LRP1B: variants seen among roughly 807,000 people sequenced by gnomAD.
The protein encoded by LRP1B is LDL receptor related protein 1B.
In LRP1B, 217 loss-of-function variants were observed where a neutral mutation model predicts 556.6. That is an observed-to-expected ratio of 0.39 (90% confidence interval 0.35 to 0.44). LRP1B has a LOEUF of 0.44. LRP1B is among the 20% of genes least tolerant of loss of function. The probability of loss-of-function intolerance (pLI) is 1.00; values close to 1 mark genes in which losing one functional copy is unlikely to be tolerated. For synonymous variants in LRP1B, 2,047 were observed against 1,865.8 expected (o/e 1.10, Z -2.50); for missense variants, 5,053 against 5,620.8 (o/e 0.90, Z 3.23).
chr2:140,765,525 C>G (rs894245578), intron 35 of LRP1B, among the ~76,000 whole-genome samples: 3 of 152,094 alleles, frequency 2.0e-5, no homozygotes, highest in Non-Finnish European at 4.4e-5. Context: ...GAATATCACC[C>G]AGCAGGCAAG....
intron 23 of LRP1B, among the ~76,000 whole-genome samples, chr2:140,888,977 A>AG (rs1382037324): frequency 2.0e-5 from 3 of 150,986 alleles, no homozygotes; most frequent in African/African-American, 7.4e-5. Context: ...AAAAAAAAAA[A>AG]AAACTTGAAA....
intron 1 of LRP1B, among the ~76,000 whole-genome samples, chr2:141,971,126 A>G (rs1701720937): frequency 6.6e-6 from 1 of 151,528 alleles, no homozygotes; most frequent in African/African-American, 2.4e-5. Flanking sequence ...TTGAGCATGG[A>G]GCAATACAAT....
At chr2:141,168,940 A>G (rs1408455944) in intron 7 of LRP1B, among the ~76,000 whole-genome samples, 1 of 152,020 alleles carries the variant, frequency 6.6e-6, no homozygotes, top group Non-Finnish European at 1.5e-5. Context: ...GTGGTACTCA[A>G]GGGTGTTTTT....
intron 6 of LRP1B, among the ~76,000 whole-genome samples, chr2:141,227,035 TAAC>T (rs201774641): frequency 0.015 from 2,323 of 152,180 alleles, 40 homozygotes; most frequent in African/African-American, 0.045. Context: ...GTGAATTCCC[TAAC>T]AACAACAACA....
chr2:141,170,619 G>T lies in LRP1B; in HGVS notation c.1013+17802C>A, dbSNP rs144952083. On this transcript the variant is annotated intron_variant, in intron 7 of 90. Coordinates refer to ENST00000389484, the MANE Select transcript of LRP1B (RefSeq NM_018557.3). Reference sequence around the variant, plus strand: ...ATAGAAACCCTTCATTACAACAATGGTAAGAAATGCATGGGGAGACTTCTT... The same window carrying T: ...ATAGAAACCCTTCATTACAACAATGTTAAGAAATGCATGGGGAGACTTCTT... Among the ~76,000 whole-genome samples the T allele has an allele frequency of 2.2e-3, 328 of 152,174 alleles. 2 individuals are homozygous for T. The highest frequency in any genetic ancestry group is 3.3e-3 in the Non-Finnish European group (224 of 67,986).
intron 23 of LRP1B, among the ~76,000 whole-genome samples, chr2:140,886,949 C>A (rs762309951): frequency 1.1e-4 from 16 of 152,034 alleles, no homozygotes; most frequent in African/African-American, 3.6e-4. Context: ...GCTTTGAAAA[C>A]GGATATGAGA....
In LRP1B at chr2:140,702,544, G is replaced by A. The variant is rs2105430911; in HGVS notation, c.6033C>T (p.Phe2011=). 1 of 1,612,988 alleles carries A rather than the reference G, an allele frequency of 6.2e-7. No individual in the cohort carries two copies. The highest frequency in any genetic ancestry group is 8.5e-7 in the Non-Finnish European group (1 of 1,179,350). Residue 2011 remains phenylalanine (F), a synonymous_variant, in exon 38 of 91, where the codon TTC becomes TTT. Coordinates refer to ENST00000389484, the MANE Select transcript of LRP1B (RefSeq NM_018557.3). Reference sequence around the variant, plus strand: ...AGGGCATTTGTCCCCATTCAGTCCAGAACAAGAGGCTGAAATTAAATTGTT... The same window carrying A: ...AGGGCATTTGTCCCCATTCAGTCCAAAACAAGAGGCTGAAATTAAATTGTT... ...IAVHPEKGLL[F]WTEWGQMPCI...
At chr2:140,995,626 G>T (rs1271920998) in intron 15 of LRP1B, among the ~76,000 whole-genome samples, 2 of 151,914 alleles carry the variant, frequency 1.3e-5, no homozygotes, top group Non-Finnish European at 2.9e-5. Flanking sequence ...AGTACACTGA[G>T]AATTAAAATA....
intron 7 of LRP1B, among the ~76,000 whole-genome samples, chr2:141,088,769 AG>A (rs1470427913): frequency 6.6e-6 from 1 of 152,150 alleles, no homozygotes; most frequent in African/African-American, 2.4e-5. Context: ...AAACAGCACT[AG>A]GGTGCTTCAA....
intron 41 of LRP1B, among the ~76,000 whole-genome samples, chr2:140,690,500 C>A (rs2105397734): frequency 6.6e-6 from 1 of 152,242 alleles, no homozygotes; most frequent in Admixed American, 6.5e-5. Context: ...CAGATCTCAG[C>A]CACAGAAGCT....
intron 25 of LRP1B, among the ~76,000 whole-genome samples, chr2:140,870,747 T>A (rs1439860746): frequency 6.6e-6 from 1 of 152,150 alleles, no homozygotes; most frequent in African/African-American, 2.4e-5. Context: ...TTGACTTCTA[T>A]TATTCTGTAT....
rs750538701 is a variant in LRP1B at position 140,851,699 on chromosome 2, G to T, written c.4664C>A (p.Ala1555Glu). 6.2e-7 allele frequency: 1 copy of T among 1,611,660 alleles called. No individual in the cohort carries two copies. The highest frequency in any genetic ancestry group is 8.5e-7 in the Non-Finnish European group (1 of 1,179,082). ...AGAAAGCTTCATCAAGTGGGGGCAC[G>T]CACAGGCAGCACTCCTATTGTGATT... ...LINHNRSAAC[A>E]CPHLMKLSSD... The change falls in exon 28 of 91, where the codon GCG (alanine) becomes GAG (glutamate). Residue 1555 changes from alanine to glutamate, a missense_variant. Coordinates refer to ENST00000389484, the MANE Select transcript of LRP1B (RefSeq NM_018557.3).
chr2:140,275,924 A>G (rs1682654182), intron 84 of LRP1B, among the ~76,000 whole-genome samples: 1 of 151,994 alleles, frequency 6.6e-6, no homozygotes, highest in Non-Finnish European at 1.5e-5. Flanking sequence ...ATAGAATTAG[A>G]CATTCTGCTT....
intron 1 of LRP1B, among the ~76,000 whole-genome samples, chr2:141,883,895 T>C (rs1574461221): frequency 6.6e-6 from 1 of 152,212 alleles, no homozygotes; most frequent in Admixed American, 6.5e-5. Flanking sequence ...TGTATTTTCC[T>C]ACCAAATCCA....
Position 140,475,299 on chromosome 2 carries a change from A to G in LRP1B, c.9464T>C (p.Ile3155Thr), listed in dbSNP as rs2105348137. ...YWIDCCEYPH[I>T]GRVGMDGTNQ... Reference sequence around the variant, plus strand: ...GGTTCCATCCATTCCAACACGGCCAATATGAGGATACTCGCAGCAGTCAAT... The same window carrying G: ...GGTTCCATCCATTCCAACACGGCCAGTATGAGGATACTCGCAGCAGTCAAT... The change falls in exon 60 of 91, where the codon ATT (isoleucine) becomes ACT (threonine). Residue 3155 changes from isoleucine to threonine, a missense_variant. Around this residue, in one of 5 missense-constraint regions of LRP1B, gnomAD observed 3,619 missense variants for 3,931.9 expected, o/e 0.92. Transcript: ENST00000389484. 1 of 1,608,964 alleles carries G rather than the reference A, an allele frequency of 6.2e-7. No homozygotes were observed. The highest frequency in any genetic ancestry group is 8.5e-7 in the Non-Finnish European group (1 of 1,176,956).
At chr2:142,011,770 C>T (rs1271761995) in intron 1 of LRP1B, among the ~76,000 whole-genome samples, 2 of 152,092 alleles carry the variant, frequency 1.3e-5, no homozygotes, top group Admixed American at 1.3e-4. Context: ...GAGAGTCAAC[C>T]AAGAAATACA....
intron 1 of LRP1B, among the ~76,000 whole-genome samples, chr2:141,956,280 T>G (rs976770330): frequency 1.3e-5 from 2 of 152,116 alleles, no homozygotes; most frequent in Non-Finnish European, 2.9e-5. Context: ...GATTTTTAAA[T>G]TTTTGCAAAA....
intron 32 of LRP1B, among the ~76,000 whole-genome samples, chr2:140,798,364 T>G (rs1425322952): frequency 3.3e-5 from 5 of 151,930 alleles, no homozygotes; most frequent in Admixed American, 2.0e-4. Flanking sequence ...AAGAAAAAAA[T>G]AAACAGAAAA....
At chr2:141,673,911 G>C (rs1271618523) in intron 2 of LRP1B, among the ~76,000 whole-genome samples, 2 of 151,916 alleles carry the variant, frequency 1.3e-5, no homozygotes, top group Non-Finnish European at 2.9e-5. Flanking sequence ...AAGCAATTTT[G>C]TGAGAGCTGC....
Sources: gnomAD v4.1 joint callset for allele counts (sites outside exome capture counted in the v4.1 genomes callset) on GRCh38, gnomAD v4.1.1 for gene constraint, gnomAD v4.1.1 regional missense constraint, MANE v1.5 for transcripts, NCBI Gene and HGNC (gene_info 2026-07-23, HGNC 2026-07-21) for gene names.